The following KIF15 variants were observed in gnomAD, a reference collection of about 807,000 sequenced individuals.
KIF15 encodes kinesin family member 15.
In KIF15, 140 loss-of-function variants were observed where a neutral mutation model predicts 190.6. The ratio of observed to expected loss-of-function variants is 0.73; its 90% CI spans 0.64 to 0.84. The LOEUF is 0.84. Ranked by LOEUF, KIF15 falls within the 40% of genes least tolerant of loss-of-function variation. The pLI is 0.00. For missense variants in KIF15, 1,372 were observed against 1,584.4 expected, an observed-to-expected ratio of 0.87 and a Z score of 2.28; for synonymous variants, 528 against 551.3, an observed-to-expected ratio of 0.96 and a Z score of 0.59.
intron 8 of KIF15, among the ~76,000 whole-genome samples, chr3:44,796,386 A>T (rs1428812153): frequency 6.6e-6 from 1 of 152,206 alleles, no homozygotes; most frequent in Non-Finnish European, 1.5e-5. Flanking sequence ...ATAATAGGAC[A>T]TATACCAAGT....
chr3:44,829,491 T>C (rs1013744640), intron 24 of KIF15, among the ~76,000 whole-genome samples: 2 of 133,696 alleles, frequency 1.5e-5, no homozygotes, highest in African/African-American at 5.9e-5. Flanking sequence ...GTATATAATA[T>C]ATGCATATAT....
At chr3:44,800,240 C>T in intron 10 of KIF15, 74 bp from the exon 11 acceptor site, 1 of 1,418,160 alleles carries the variant, frequency 7.1e-7, no homozygotes, top group East Asian at 2.3e-5. Flanking sequence ...CAAATCATAC[C>T]AAACAAATGT....
intron 1 of KIF15, 122 bp downstream of exon 1, chr3:44,762,006 C>G (rs1705167037): frequency 8.0e-7 from 1 of 1,254,004 alleles, no homozygotes; most frequent in Non-Finnish European, 1.2e-6. Flanking sequence ...GCTGAGTGAC[C>G]GGCGGGGACG....
At chr3:44,864,335 C>T (rs768269566) in intron 6 of KIF15, 16 of 1,614,138 alleles carry the variant, frequency 9.9e-6, no homozygotes, top group Non-Finnish European at 1.4e-5. Context: ...TTCAAATATC[C>T]TCAGCTCGGT....
intron 6 of KIF15, chr3:44,863,158 A>C (rs577216926): frequency 1.8e-4 from 27 of 152,216 alleles, no homozygotes; most frequent in Admixed American, 5.9e-4. Context: ...GTGTGACCCA[A>C]GACAGTTCTT....
intron 26 of KIF15, among the ~76,000 whole-genome samples, chr3:44,833,488 T>G (rs1232165503): frequency 1.3e-5 from 2 of 151,934 alleles, no homozygotes; most frequent in Non-Finnish European, 2.9e-5. Context: ...CATCAGGCAT[T>G]AGATTCTCAT....
chr3:44,826,526 G>GTTT, intron 22 of KIF15, 66 bp downstream of exon 22: 11 of 934,908 alleles, frequency 1.2e-5, no homozygotes, highest in South Asian at 3.8e-5. Flanking sequence ...TCTTAATCTT[G>GTTT]TTTTTTTTTT....
chr3:44,865,434 C>T (rs895126852), intron 6 of KIF15: 29 of 474,482 alleles, frequency 6.1e-5, no homozygotes, highest in African/African-American at 2.5e-4. Flanking sequence ...AGTGAGCCTT[C>T]GCAGATGCTG....
At chr3:44,824,402 G>A (rs1305023798) in intron 20 of KIF15, among the ~76,000 whole-genome samples, 1 of 151,920 alleles carries the variant, frequency 6.6e-6, no homozygotes, top group African/African-American at 2.4e-5. Flanking sequence ...CATTTCCCCA[G>A]CACCAAGTCC....
At chr3:44,821,667 A>G (rs1697332796) in intron 20 of KIF15, among the ~76,000 whole-genome samples, 1 of 150,930 alleles carries the variant, frequency 6.6e-6, no homozygotes, top group Non-Finnish European at 1.5e-5. Flanking sequence ...GGGGCTCCTC[A>G]CGTCCCAGAT....
chr3:44,801,008 AT>A (rs1707240021), intron 11 of KIF15, among the ~76,000 whole-genome samples: 1 of 147,832 alleles, frequency 6.8e-6, no homozygotes, highest in African/African-American at 2.5e-5. Context: ...TGACGGTCTC[AT>A]TGTTTTTTTT....
intron 23 of KIF15, 148 bp downstream of exon 23, chr3:44,827,676 A>G (rs1022631692): frequency 2.0e-6 from 1 of 504,922 alleles, no homozygotes; most frequent in Non-Finnish European, 3.5e-6. Context: ...TATTATTTTT[A>G]ATTTTATTTT....
chr3:44,794,463 G>C, intron 8 of KIF15, 37 bp downstream of exon 8: 1 of 1,472,858 alleles, frequency 6.8e-7, no homozygotes, highest in Non-Finnish European at 9.3e-7. Flanking sequence ...TTGTGTGTGA[G>C]TTCTTACTAG....
chr3:44,785,159 T>G (rs1706350117), intron 6 of KIF15, among the ~76,000 whole-genome samples: 1 of 152,206 alleles, frequency 6.6e-6, no homozygotes, highest in African/African-American at 2.4e-5. Flanking sequence ...AAAACATGCA[T>G]TATCCTTTAT....
chr3:44,838,920 C>T (rs1019188996), intron 27 of KIF15, among the ~76,000 whole-genome samples: 2 of 152,268 alleles, frequency 1.3e-5, no homozygotes, highest in Admixed American at 6.5e-5. Flanking sequence ...TGACACATGG[C>T]AACCAGTTCT....
At chr3:44,767,739 C>T (rs1375682138) in intron 1 of KIF15, among the ~76,000 whole-genome samples, 1 of 150,934 alleles carries the variant, frequency 6.6e-6, no homozygotes, top group African/African-American at 2.4e-5. Context: ...ACTAAAAATA[C>T]AAAAAATTCT....
In KIF15 at chr3:44,797,921, A is replaced by T. The variant is rs1335508758; in HGVS notation, c.1063A>T (p.Asn355Tyr). The change falls in exon 10 of 35, where the codon AAC becomes TAC. Residue 355 changes from asparagine (N) to tyrosine (Y), a missense_variant. Transcript: ENST00000326047. ...TTTTGGGGAAACCCTATCAACACTTAACTTTGCTCAAAGAGCCAAGCTGAT... is the reference window on the plus strand; with the variant it reads ...TTTTGGGGAAACCCTATCAACACTTTACTTTGCTCAAAGAGCCAAGCTGAT... ...RCFGETLSTL[N>Y]FAQRAKLIKN... is the part of the protein sequence containing the mutation. 1 of 1,613,726 alleles carries T rather than the reference A, an allele frequency of 6.2e-7. No individual in the cohort carries two copies. The highest frequency in any genetic ancestry group is 8.5e-7 in the Non-Finnish European group (1 of 1,179,940).
chr3:44,853,841 T>C (rs1297864249), downstream of KIF15, among the ~76,000 whole-genome samples: 7 of 152,122 alleles, frequency 4.6e-5, no homozygotes, highest in Admixed American at 1.3e-4. Flanking sequence ...GGGAACATGC[T>C]ACAACATGAT....
chr3:44,829,983 G>A lies in KIF15; in HGVS notation c.2956G>A (p.Asp986Asn), dbSNP rs1203505886. The change falls in exon 25 of 35, where the codon GAC becomes AAC. Residue 986 changes from aspartate (D) to asparagine (N), a missense_variant. By Grantham distance (23) the Asp-to-Asn change is conservative (BLOSUM62 1). Coordinates refer to ENST00000326047, the MANE Select transcript of KIF15 (RefSeq NM_020242.3). ...SRDSDKKVVA[D>N]LMNQIQELRT... is the part of the protein sequence containing the mutation. ...CTGTCCTCATCAGAAAGTTGTAGCT[G>A]ACCTCATGAACCAGATCCAGGAGCT... 5 of 1,581,502 alleles carry A rather than the reference G, an allele frequency of 3.2e-6. No homozygotes were observed. The highest frequency in any genetic ancestry group is 4.3e-6 in the Non-Finnish European group (5 of 1,166,860).
Sources: gnomAD v4.1 joint callset for allele counts (sites outside exome capture counted in the v4.1 genomes callset) on GRCh38, gnomAD v4.1.1 for gene constraint, MANE v1.5 for transcripts, NCBI Gene and HGNC (gene_info 2026-07-23, HGNC 2026-07-21) for gene names.